The following GAB2 variants were observed in gnomAD, a reference collection of about 807,000 sequenced individuals.
GAB2 encodes GRB2-associated-binding protein 2.
Under a neutral mutation model 65.5 loss-of-function variants are expected in GAB2, and 26 were observed. The ratio of observed to expected loss-of-function variants is 0.40; its 90% confidence interval spans 0.29 to 0.55. The LOEUF is 0.55. Ranked by LOEUF, GAB2 falls within the 20% of genes least tolerant of loss-of-function variation. GAB2 has a pLI of 0.53. For missense variants in GAB2, 884 were observed against 875.8 expected (o/e 1.01, Z -0.12); for synonymous variants, 321 against 329.6 (o/e 0.97, Z 0.28).
chr11:78,261,795 G>A (rs184006613), intron 2 of GAB2, among the ~76,000 whole-genome samples: 4 of 152,238 alleles, frequency 2.6e-5, no homozygotes, highest in African/African-American at 9.6e-5. Context: ...ATTTATACTC[G>A]GAGGAGCACT....
intron 1 of GAB2, among the ~76,000 whole-genome samples, chr11:78,288,889 G>A (rs1370357879): frequency 1.3e-5 from 2 of 152,196 alleles, no homozygotes; most frequent in African/African-American, 2.4e-5. Context: ...AATAAAATGG[G>A]AAGAATCAGT....
At chr11:78,273,152 C>T (rs188241130) in intron 2 of GAB2, among the ~76,000 whole-genome samples, 26 of 152,320 alleles carry the variant, frequency 1.7e-4, no homozygotes, top group Admixed American at 1.3e-3. Context: ...GGGTCAGAGC[C>T]CCCACACAGA....
rs1193872282 is a variant in GAB2 at position 78,218,342 on chromosome 11, TGCTTGGTCGCCCA to T, written c.*917_*929del. 6.5e-6 allele frequency: 1 copy of T among 152,832 alleles called. No homozygotes were observed. The highest frequency in any genetic ancestry group is 1.5e-5 in the Non-Finnish European group (1 of 68,472). The allele number at this position is 152,832 out of a possible 1,614,324, so 9.5% of individuals were successfully genotyped here. On this transcript the variant is annotated 3_prime_UTR_variant, in exon 10 of 10. Coordinates refer to ENST00000361507, the MANE Select transcript of GAB2 (RefSeq NM_080491.3). ...CTTTACCATGTGTTCCTGCCCCATG[TGCTTGGTCGCCCA>T]GCTTGGTCCAAGCCTTCCCCTGTAT...
At chr11:78,343,995 AGAG>A (rs986612510) in intron 1 of GAB2, among the ~76,000 whole-genome samples, 3 of 152,154 alleles carry the variant, frequency 2.0e-5, no homozygotes, top group Non-Finnish European at 2.9e-5. Flanking sequence ...AACGGCAGGA[AGAG>A]GAGGAGAAAT....
At chr11:78,367,977 C>T (rs1334016057) in intron 1 of GAB2, among the ~76,000 whole-genome samples, 2 of 152,040 alleles carry the variant, frequency 1.3e-5, no homozygotes, top group Non-Finnish European at 2.9e-5. Flanking sequence ...CCACTGCGCC[C>T]GGCTAATTTT....
At chr11:78,317,830 G>T (rs1855641877) in intron 1 of GAB2, among the ~76,000 whole-genome samples, 1 of 151,824 alleles carries the variant, frequency 6.6e-6, no homozygotes, top group African/African-American at 2.4e-5. Flanking sequence ...TTTCTTTTCT[G>T]GGCTTTGGTT....
intron 1 of GAB2, among the ~76,000 whole-genome samples, chr11:78,389,202 A>C (rs1856803482): frequency 6.6e-6 from 1 of 152,236 alleles, no homozygotes; most frequent in African/African-American, 2.4e-5. Flanking sequence ...TCACAACAGG[A>C]AAAATGACAT....
intron 1 of GAB2, among the ~76,000 whole-genome samples, chr11:78,416,994 G>A (rs982449109): frequency 2.0e-5 from 3 of 150,932 alleles, no homozygotes; most frequent in African/African-American, 7.3e-5. Context: ...CAGCCACGGG[G>A]ACCAAACTGC....
chr11:78,320,832 A>T (rs1340873777), intron 1 of GAB2, among the ~76,000 whole-genome samples: 4 of 151,260 alleles, frequency 2.6e-5, no homozygotes, highest in African/African-American at 9.7e-5. Flanking sequence ...TGGCCTCCCA[A>T]AGTGCTGGGG....
intron 1 of GAB2, among the ~76,000 whole-genome samples, chr11:78,373,358 C>T (rs904538383): frequency 6.6e-6 from 1 of 151,710 alleles, no homozygotes; most frequent in African/African-American, 2.4e-5. Flanking sequence ...CCTGCCTCAG[C>T]CTCTGGAGTA....
intron 1 of GAB2, among the ~76,000 whole-genome samples, chr11:78,400,306 C>A (rs1856952752): frequency 6.6e-6 from 1 of 152,184 alleles, no homozygotes; most frequent in East Asian, 1.9e-4. Flanking sequence ...TCTTCCACAC[C>A]AAGAGCATTT....
At chr11:78,355,910 T>G (rs760536334) in intron 1 of GAB2, among the ~76,000 whole-genome samples, 105 of 151,762 alleles carry the variant, frequency 6.9e-4, no homozygotes, top group Non-Finnish European at 1.3e-3. Flanking sequence ...TCGTGGCTCA[T>G]GCCTGTAATC....
intron 1 of GAB2, among the ~76,000 whole-genome samples, chr11:78,371,507 T>A (rs966332593): frequency 3.3e-5 from 5 of 152,212 alleles, no homozygotes; most frequent in African/African-American, 1.2e-4. Flanking sequence ...CCTCATTCAA[T>A]CCCTCTTCCG....
chr11:78,366,063 T>A (rs1008955870), intron 1 of GAB2, among the ~76,000 whole-genome samples: 12 of 152,244 alleles, frequency 7.9e-5, no homozygotes, highest in Non-Finnish European at 1.8e-4. Context: ...AATATACATA[T>A]GTTTTATAAA....
In GAB2 at chr11:78,250,374, C is replaced by T. The variant is rs747769924; in HGVS notation, c.403G>A (p.Gly135Ser). The change falls in exon 3 of 10, where the codon GGT becomes AGT. Residue 135 changes from glycine to serine, a missense_variant. Transcript: ENST00000361507. The stretch of plus-strand genomic sequence containing the variant: ...GCTGGAGAAGAGCGGGGGCCATGAC[C>T]GGCTGAGGAAACATTTCTCAGGGAG... ...TDSLRNVSSAGHGPRSSPAEL... is the reference protein window; with the variant it reads ...TDSLRNVSSASHGPRSSPAEL... The T allele has an allele frequency of 1.8e-5, 29 of 1,613,006 alleles. No homozygotes were observed. In the Middle Eastern group the frequency reaches 5.0e-4, roughly 28 times the overall value.
chr11:78,258,340 G>A (rs1369878271), intron 2 of GAB2, among the ~76,000 whole-genome samples: 2 of 152,136 alleles, frequency 1.3e-5, no homozygotes, highest in Non-Finnish European at 2.9e-5. Context: ...ACAAATGAAA[G>A]AGCAAATATT....
At chr11:78,341,620 T>G (rs1856096673) in intron 1 of GAB2, 1 of 246,470 alleles carries the variant, frequency 4.1e-6, no homozygotes, top group Non-Finnish European at 6.5e-6. Flanking sequence ...CTCACGAATC[T>G]CATCAAGTAG....
At chr11:78,258,711 C>T (rs114576082) in intron 2 of GAB2, among the ~76,000 whole-genome samples, 1,704 of 152,048 alleles carry the variant, frequency 0.011, 29 homozygotes, top group African/African-American at 0.032. Flanking sequence ...GATTCTCCCA[C>T]TTTGGCCTCC....
Position 78,250,374 on chromosome 11 carries a change from C to G in GAB2, c.403G>C (p.Gly135Arg), listed in dbSNP as rs747769924. The change falls in exon 3 of 10, where the codon GGT becomes CGT. Residue 135 changes from glycine to arginine, a missense_variant. Gly to Arg is a moderately radical substitution (Grantham distance 125, BLOSUM62 -2). Coordinates refer to ENST00000361507, the MANE Select transcript of GAB2 (RefSeq NM_080491.3). Reference sequence around the variant, plus strand: ...GCTGGAGAAGAGCGGGGGCCATGACCGGCTGAGGAAACATTTCTCAGGGAG... The same window carrying G: ...GCTGGAGAAGAGCGGGGGCCATGACGGGCTGAGGAAACATTTCTCAGGGAG... ...TDSLRNVSSA[G>R]HGPRSSPAEL... 3 of 1,612,890 alleles carry G rather than the reference C, an allele frequency of 1.9e-6. No homozygotes were observed. Among genetic ancestry groups the G allele is most frequent in the African/African-American group, 2.7e-5 (2 of 74,718 alleles).
Sources: gnomAD v4.1 joint callset for allele counts (sites outside exome capture counted in the v4.1 genomes callset) on GRCh38, gnomAD v4.1.1 for gene constraint, MANE v1.5 for transcripts, NCBI Gene and HGNC (gene_info 2026-07-23, HGNC 2026-07-21) for gene names.